The following DLD variants were observed in gnomAD, a reference collection of about 807,000 sequenced individuals.
The protein encoded by DLD is dihydrolipoyl dehydrogenase, mitochondrial.
A neutral mutation model predicts 62.2 loss-of-function variants in DLD; 36 were observed. That is an observed-to-expected ratio of 0.58 (90% CI 0.44 to 0.76). The LOEUF is 0.76. Among genes scored for constraint, DLD ranks in the 30% least tolerant of loss-of-function variants. The pLI, the probability that DLD is intolerant of heterozygous loss-of-function variation, is 0.00. For synonymous variants in DLD, 204 were observed against 199.6 expected (o/e 1.02, Z -0.19); for missense variants, 541 against 608.6 (o/e 0.89, Z 1.17).
intron 1 of DLD, among the ~76,000 whole-genome samples, chr7:107,892,969 A>T (rs2031625977): frequency 6.6e-6 from 1 of 152,230 alleles, no homozygotes; most frequent in Non-Finnish European, 1.5e-5. Flanking sequence ...TGATTTGTTG[A>T]CTATTGATAA....
chr7:107,909,391 G>A (rs1218141250), intron 8 of DLD, among the ~76,000 whole-genome samples: 1 of 152,160 alleles, frequency 6.6e-6, no homozygotes, highest in Non-Finnish European at 1.5e-5. Context: ...TGTCATTCAC[G>A]TCATTAGTAC....
At chr7:107,914,419 G>A (rs1275516026) in intron 8 of DLD, among the ~76,000 whole-genome samples, 1 of 150,980 alleles carries the variant, frequency 6.6e-6, no homozygotes, top group African/African-American at 2.5e-5. Context: ...TGTGCTGTTG[G>A]TGTTACATCA....
At chr7:107,907,496 C>A (rs1562916428) in intron 8 of DLD, among the ~76,000 whole-genome samples, 1 of 152,116 alleles carries the variant, frequency 6.6e-6, no homozygotes, top group East Asian at 1.9e-4. Context: ...GATGAGAACT[C>A]CCTCAAGTTG....
intron 2 of DLD, among the ~76,000 whole-genome samples, chr7:107,897,525 A>T (rs1161215997): frequency 1.3e-5 from 2 of 151,816 alleles, no homozygotes; most frequent in Non-Finnish European, 2.9e-5. Flanking sequence ...CTGGCTCACT[A>T]ACTGGCACAT....
intron 8 of DLD, among the ~76,000 whole-genome samples, chr7:107,908,926 G>T (rs962091798): frequency 2.6e-5 from 4 of 152,022 alleles, no homozygotes; most frequent in Non-Finnish European, 2.9e-5. Context: ...TTAATGTTTA[G>T]TACTTAGGTC....
chr7:107,916,387 A>G (rs77535931), intron 9 of DLD, among the ~76,000 whole-genome samples: 1,750 of 152,324 alleles, frequency 0.011, 33 homozygotes, highest in African/African-American at 0.04. Context: ...AAATGTCATC[A>G]GTGCCGGCTG....
At chr7:107,904,756 T>C (rs572499987) in intron 5 of DLD, 114 of 646,380 alleles carry the variant, frequency 1.8e-4, no homozygotes, top group Non-Finnish European at 2.9e-4. Flanking sequence ...GGTAGACATT[T>C]TATAGTGTTT....
Position 107,899,051 on chromosome 7 carries a change from ATT to A in DLD, c.119-2686_119-2685del, listed in dbSNP as rs766126419. ...ATGAAAAATTATAAGCATTTAGAAA[ATT>A]ATAAGAATTTTACATTGAACACCCA... On this transcript the variant is annotated intron_variant, in intron 2 of 13. Transcript: ENST00000205402. Among the ~76,000 whole-genome samples, 155 of 152,184 alleles carry A rather than the reference ATT, an allele frequency of 1.0e-3. 1 individual carries two copies. Among genetic ancestry groups the A allele is most frequent in the Admixed American group, 3.5e-3 (53 of 15,276 alleles).
intron 2 of DLD, among the ~76,000 whole-genome samples, chr7:107,895,828 CTT>C (rs979319380): frequency 6.6e-6 from 1 of 151,966 alleles, no homozygotes; most frequent in African/African-American, 2.4e-5. Context: ...TACTGTAATT[CTT>C]TTTTTTATTT....
chr7:107,893,410 C>A, intron 2 of DLD, 132 bp downstream of exon 2: 2 of 703,874 alleles, frequency 2.8e-6, no homozygotes, highest in Non-Finnish European at 4.6e-6. Flanking sequence ...TGTATTTATT[C>A]GTTTGAATGT....
intron 8 of DLD, among the ~76,000 whole-genome samples, chr7:107,911,112 C>A (rs2032129348): frequency 6.6e-6 from 1 of 152,156 alleles, no homozygotes; most frequent in Non-Finnish European, 1.5e-5. Flanking sequence ...ATTTTCATCA[C>A]CCTAAAAGAA....
chr7:107,891,161 T>C (rs763478270), upstream of DLD: 25 of 1,496,618 alleles, frequency 1.7e-5, no homozygotes, highest in Non-Finnish European at 2.3e-5. Flanking sequence ...GCTGCGCCTG[T>C]GCATGCGCAG....
chr7:107,907,185 C>T, intron 8 of DLD, among the ~76,000 whole-genome samples: 1 of 152,160 alleles, frequency 6.6e-6, no homozygotes, highest in Admixed American at 6.5e-5. Flanking sequence ...GTCATATCTG[C>T]TTGGCAAAAC....
In DLD at chr7:107,906,247, A is replaced by G; in HGVS notation, c.583-20A>G. On this transcript the variant is annotated intron_variant, in intron 7 of 13. Coordinates refer to ENST00000205402, the MANE Select transcript of DLD (RefSeq NM_000108.5). ...GGTTTTTTCAAATTATTTTGATTAT[A>G]TCTTTTGTTTTTCTTACAGATAGAT... 1 of 1,451,276 alleles carries G rather than the reference A, an allele frequency of 6.9e-7. No homozygotes were observed. The highest frequency in any genetic ancestry group is 1.1e-5 in the South Asian group (1 of 87,526). The allele number at this position is 1,451,276 out of a possible 1,614,324, so 89.9% of individuals were successfully genotyped here.
intron 3 of DLD, 73 bp from the exon 4 acceptor site, chr7:107,902,252 C>T (rs1035528653): frequency 1.6e-6 from 2 of 1,282,714 alleles, no homozygotes; most frequent in Admixed American, 1.7e-5. Flanking sequence ...AGAATTAAGA[C>T]ATATATTTGG....
chr7:107,917,718 C>T (rs1177042824), intron 11 of DLD, among the ~76,000 whole-genome samples: 2 of 152,122 alleles, frequency 1.3e-5, no homozygotes, highest in African/African-American at 4.8e-5. Flanking sequence ...TGAAATATAA[C>T]CAGATGGACA....
chr7:107,907,627 C>T (rs1467963054), intron 8 of DLD, among the ~76,000 whole-genome samples: 1 of 152,222 alleles, frequency 6.6e-6, no homozygotes, highest in Non-Finnish European at 1.5e-5. Context: ...CTTGGTAGCA[C>T]ATCATCTGCC....
chr7:107,917,292 G>GTAGT lies in DLD; in HGVS notation c.1068_1071dup (p.Ala358SerfsTer13), dbSNP rs2032292630. ...TGGTAGTATCTATGCCATTGGTGATGTAGTTGCTGGTCCAATGCTGGCTCA... is the reference window on the plus strand; with the variant it reads ...TGGTAGTATCTATGCCATTGGTGATGTAGTTAGTTGCTGGTCCAATGCTGGCTCA... On this transcript the variant is annotated frameshift_variant, in exon 11 of 14. Coordinates refer to ENST00000205402, the MANE Select transcript of DLD (RefSeq NM_000108.5). LOFTEE classifies it high-confidence loss of function. The GTAGT allele has an allele frequency of 6.2e-7, 1 of 1,614,006 alleles. No individual in the cohort carries two copies. Among genetic ancestry groups the GTAGT allele is most frequent in the African/African-American group, 1.3e-5 (1 of 74,930 alleles).
chr7:107,918,730 G>A (rs2032329688), intron 12 of DLD, among the ~76,000 whole-genome samples: 1 of 152,132 alleles, frequency 6.6e-6, no homozygotes, highest in Admixed American at 6.6e-5. Flanking sequence ...TTTGAAATAG[G>A]TGCTGTTATT....
Sources: allele counts gnomAD v4.1 joint callset (sites outside exome capture counted in the v4.1 genomes callset), GRCh38; gene constraint gnomAD v4.1.1; transcripts MANE v1.5; gene names NCBI Gene and HGNC (gene_info 2026-07-23, HGNC 2026-07-21).